Variants in CAMK1D observed in about 807,000 individuals in gnomAD.
CAMK1D encodes the protein calcium/calmodulin-dependent protein kinase type 1D.
A neutral mutation model predicts 47.7 loss-of-function variants in CAMK1D; 9 were observed. The observed-to-expected ratio is 0.19, with a 90% CI of 0.11 to 0.33. The LOEUF (loss-of-function observed/expected upper bound fraction) is 0.33. Ranked by LOEUF, CAMK1D falls within the 10% of genes least tolerant of loss-of-function variation. CAMK1D has a pLI of 1.00. For missense variants in CAMK1D, 291 were observed against 488.7 expected, an observed-to-expected ratio of 0.60 and a Z score of 3.81; for synonymous variants, 184 against 184.9, an observed-to-expected ratio of 0.99 and a Z score of 0.04.
chr10:12,540,510 G>T (rs1189448643), intron 1 of CAMK1D, among the ~76,000 whole-genome samples: 1 of 152,190 alleles, frequency 6.6e-6, no homozygotes, highest in Non-Finnish European at 1.5e-5. Context: ...TAACAGTAAA[G>T]ACTTAGTGCC....
chr10:12,692,777 A>G (rs1466339350), intron 3 of CAMK1D, among the ~76,000 whole-genome samples: 2 of 152,226 alleles, frequency 1.3e-5, no homozygotes, highest in Non-Finnish European at 2.9e-5. Context: ...GACAAAGGAC[A>G]TAAACAATTC....
At chr10:12,557,350 C>T (rs1385963669) in intron 2 of CAMK1D, among the ~76,000 whole-genome samples, 1 of 151,968 alleles carries the variant, frequency 6.6e-6, no homozygotes. Flanking sequence ...GAGATCGAGA[C>T]AATCCTGGCT....
In CAMK1D at chr10:12,493,597, G is replaced by A. The variant is rs534683146; in HGVS notation, c.93-59628G>A. 4.9e-4 allele frequency among the ~76,000 whole-genome samples: 74 copies of A among 152,084 alleles called. 1 individual carries two copies. Among genetic ancestry groups the A allele is most frequent in the Non-Finnish European group, 7.2e-4 (49 of 68,014 alleles). Reference sequence around the variant, plus strand: ...TGACCTCCACTTCCTGGGTTCAAGCGATTCTGCTCCCTCAGCCTCTCGAGT... The same window carrying A: ...TGACCTCCACTTCCTGGGTTCAAGCAATTCTGCTCCCTCAGCCTCTCGAGT... On this transcript the variant is annotated intron_variant, in intron 1 of 10. Coordinates refer to ENST00000619168, the MANE Select transcript of CAMK1D (RefSeq NM_153498.4).
chr10:12,791,325 G>T (rs887114934), intron 6 of CAMK1D, 92 bp downstream of exon 6: 1 of 1,192,288 alleles, frequency 8.4e-7, no homozygotes, highest in Admixed American at 1.8e-5. Context: ...ATTTTTAAGG[G>T]TACAGTTTAA....
intron 6 of CAMK1D, among the ~76,000 whole-genome samples, chr10:12,803,339 A>C (rs541902034): frequency 6.6e-6 from 1 of 152,312 alleles, no homozygotes; most frequent in African/African-American, 2.4e-5. Context: ...TGTCTTACTC[A>C]CTGCTCCATG....
At chr10:12,490,519 G>A (rs74227219) in intron 1 of CAMK1D, among the ~76,000 whole-genome samples, 1,629 of 152,268 alleles carry the variant, frequency 0.011, 60 homozygotes, top group South Asian at 0.093. Flanking sequence ...TAGAATTAGG[G>A]CAGTCTCACT....
chr10:12,446,128 C>G (rs1306901458), intron 1 of CAMK1D, among the ~76,000 whole-genome samples: 1 of 152,100 alleles, frequency 6.6e-6, no homozygotes, highest in Non-Finnish European at 1.5e-5. Flanking sequence ...ATCCAGGCCC[C>G]AAGAGATGGT....
chr10:12,396,357 T>G (rs1183670900), intron 1 of CAMK1D, among the ~76,000 whole-genome samples: 2 of 152,166 alleles, frequency 1.3e-5, no homozygotes, highest in Non-Finnish European at 2.9e-5. Context: ...GGGGAACGGT[T>G]GCCAAAATCG....
chr10:12,827,171 CTCTCTCT>C (rs1301840654), intron 10 of CAMK1D, among the ~76,000 whole-genome samples: 1 of 76,058 alleles, frequency 1.3e-5, no homozygotes, highest in East Asian at 6.9e-4. Flanking sequence ...CCCTCCTTCC[CTCTCTCT>C]TCTCTCTTTT....
intron 1 of CAMK1D, among the ~76,000 whole-genome samples, chr10:12,479,926 A>G (rs1466542787): frequency 1.3e-5 from 2 of 152,186 alleles, no homozygotes; most frequent in Non-Finnish European, 2.9e-5. Context: ...TCCTGGATAC[A>G]TGCTCTGCTT....
At chr10:12,731,255 C>A (rs565882757) in intron 3 of CAMK1D, among the ~76,000 whole-genome samples, 1 of 152,208 alleles carries the variant, frequency 6.6e-6, no homozygotes, top group African/African-American at 2.4e-5. Context: ...CGTGCGTCCT[C>A]TATGAAGGGA....
intron 2 of CAMK1D, among the ~76,000 whole-genome samples, chr10:12,622,622 G>A (rs1839033990): frequency 6.6e-6 from 1 of 152,096 alleles, no homozygotes; most frequent in Admixed American, 6.6e-5. Context: ...AGTGGAGGCA[G>A]ACAGCTGGAT....
intron 2 of CAMK1D, among the ~76,000 whole-genome samples, chr10:12,588,725 C>T (rs1027545541): frequency 1.2e-4 from 18 of 152,056 alleles, no homozygotes; most frequent in African/African-American, 4.3e-4. Context: ...AACTTCTTTT[C>T]AAGAAGTGAC....
intron 2 of CAMK1D, among the ~76,000 whole-genome samples, chr10:12,642,472 G>A (rs1483843743): frequency 4.6e-5 from 7 of 152,222 alleles, no homozygotes; most frequent in Admixed American, 1.3e-4. Context: ...GTCAGGGTTG[G>A]GGGGTAGCGG....
intron 2 of CAMK1D, among the ~76,000 whole-genome samples, chr10:12,604,579 A>G (rs1315655793): frequency 8.5e-5 from 13 of 152,136 alleles, no homozygotes. Flanking sequence ...ACTTTTAATT[A>G]TCTCCAATGG....
chr10:12,789,880 C>G (rs1385206374), intron 5 of CAMK1D, among the ~76,000 whole-genome samples: 1 of 152,270 alleles, frequency 6.6e-6, no homozygotes, highest in Non-Finnish European at 1.5e-5. Context: ...ACACTGCCAT[C>G]AGATATGTTT....
At chr10:12,559,349 C>T (rs930908661) in intron 2 of CAMK1D, among the ~76,000 whole-genome samples, 3 of 152,082 alleles carry the variant, frequency 2.0e-5, no homozygotes, top group East Asian at 3.8e-4. Flanking sequence ...CACGACCAAT[C>T]GAGTCAGAAT....
intron 1 of CAMK1D, among the ~76,000 whole-genome samples, chr10:12,434,257 A>G (rs1832566659): frequency 1.3e-5 from 2 of 152,240 alleles, no homozygotes. Context: ...GTACAGGATG[A>G]TAGCATAGAG....
chr10:12,615,352 T>A (rs1838749784), intron 2 of CAMK1D, among the ~76,000 whole-genome samples: 1 of 152,244 alleles, frequency 6.6e-6, no homozygotes, highest in African/African-American at 2.4e-5. Flanking sequence ...GAGTAATTAA[T>A]TTACTCAAGT....
Sources: gnomAD v4.1 joint callset for allele counts (sites outside exome capture counted in the v4.1 genomes callset) on GRCh38, gnomAD v4.1.1 for gene constraint, MANE v1.5 for transcripts, NCBI Gene and HGNC (gene_info 2026-07-23, HGNC 2026-07-21) for gene names.